WNT2B: variants seen among roughly 807,000 people sequenced by gnomAD.
WNT2B encodes the protein protein Wnt-2b.
WNT2B carries 19 observed loss-of-function variants against 40.5 expected under a neutral mutation model. The ratio of observed to expected loss-of-function variants is 0.47; its 90% CI spans 0.33 to 0.69. The LOEUF (loss-of-function observed/expected upper bound fraction) is 0.69. Among genes scored for constraint, WNT2B ranks in the 30% least tolerant of loss-of-function variants. The probability of loss-of-function intolerance (pLI) is 0.02; values close to 1 mark genes in which losing one functional copy is unlikely to be tolerated. For missense variants in WNT2B, 467 were observed against 556.4 expected (o/e 0.84, Z 1.62); for synonymous variants, 220 against 211.9 (o/e 1.04, Z -0.33).
upstream of WNT2B, among the ~76,000 whole-genome samples, chr1:112,508,580 G>C (rs1215035943): frequency 1.3e-5 from 2 of 152,164 alleles, no homozygotes; most frequent in East Asian, 3.9e-4. This position sits in a 1 kb window ranked among gnomAD's most constrained non-coding sequence, Gnocchi z 4.2. Context: ...TGCATCCTCC[G>C]TGCTCAGCGC....
intron 1 of WNT2B, among the ~76,000 whole-genome samples, chr1:112,469,391 G>T (rs1325767849): frequency 1.3e-5 from 2 of 151,956 alleles, no homozygotes; most frequent in Non-Finnish European, 2.9e-5. Flanking sequence ...ATTTTGATGG[G>T]GATTGCGTTG....
chr1:112,480,566 T>C (rs1651195354), intron 1 of WNT2B, among the ~76,000 whole-genome samples: 1 of 151,344 alleles, frequency 6.6e-6, no homozygotes, highest in African/African-American at 2.4e-5. Context: ...CAATAAAAAA[T>C]AAGGCAACTG....
At chr1:112,479,238 T>TA (rs919295945) in intron 1 of WNT2B, among the ~76,000 whole-genome samples, 1 of 150,274 alleles carries the variant, frequency 6.7e-6, no homozygotes, top group Non-Finnish European at 1.5e-5. Context: ...AATAAATAAA[T>TA]AAAAATAAAA....
intron 1 of WNT2B, among the ~76,000 whole-genome samples, chr1:112,495,292 A>G (rs1289716292): frequency 6.6e-6 from 1 of 151,642 alleles, no homozygotes; most frequent in Non-Finnish European, 1.5e-5. Context: ...AAATCCAGCT[A>G]TAGGCCAGGC....
intron 3 of WNT2B, 72 bp downstream of exon 3, chr1:112,516,489 A>G: frequency 6.5e-7 from 1 of 1,532,208 alleles, no homozygotes; most frequent in Non-Finnish European, 8.8e-7. Context: ...CATGGACTAA[A>G]TAAATGTGAA....
chr1:112,490,306 G>A (rs1256185292), intron 1 of WNT2B, among the ~76,000 whole-genome samples: 1 of 152,178 alleles, frequency 6.6e-6, no homozygotes, highest in Non-Finnish European at 1.5e-5. Context: ...TCACAATCCA[G>A]GTAGAGAAAA....
At chr1:112,490,305 A>G (rs911785403) in intron 1 of WNT2B, among the ~76,000 whole-genome samples, 1 of 152,202 alleles carries the variant, frequency 6.6e-6, no homozygotes, top group Admixed American at 6.5e-5. Flanking sequence ...TTCACAATCC[A>G]GGTAGAGAAA....
chr1:112,511,155 T>C (rs1008114117), intron 1 of WNT2B, among the ~76,000 whole-genome samples: 1 of 151,410 alleles, frequency 6.6e-6, no homozygotes, highest in African/African-American at 2.4e-5. Flanking sequence ...GACTACTCCC[T>C]CTCCCTTTTC....
chr1:112,490,690 C>A (rs891664041), intron 1 of WNT2B, among the ~76,000 whole-genome samples: 2 of 152,036 alleles, frequency 1.3e-5, no homozygotes, highest in African/African-American at 4.8e-5. Context: ...AGGCTTTCAC[C>A]GTGTTAGCCA....
At chr1:112,471,815 G>A (rs1013504627) in intron 1 of WNT2B, among the ~76,000 whole-genome samples, 1 of 152,156 alleles carries the variant, frequency 6.6e-6, no homozygotes, top group African/African-American at 2.4e-5. Flanking sequence ...AATTCATCTA[G>A]TTCTCAGCTG....
rs776919554 is a variant in WNT2B at position 112,509,357 on chromosome 1, G to C, written c.95G>C (p.Gly32Ala). Residue 32 changes from glycine to alanine, a missense_variant, in exon 1 of 5, where the codon GGC (glycine) becomes GCC (alanine). By Grantham distance (60) the Gly-to-Ala change is moderately conservative. Coordinates refer to ENST00000369684, the MANE Select transcript of WNT2B (RefSeq NM_024494.3). The surrounding 1 kb of genome is among the most constrained non-coding windows in gnomAD (Gnocchi z 4.2). ...VPVPSPAAPD[G>A]SRASARLGLA... The stretch of plus-strand genomic sequence containing the variant: ...GTGCCGTCGCCCGCGGCCCCCGACG[G>C]CTCCCGGGCTTCGGCCCGCCTAGGT... The C allele has an allele frequency of 1.3e-6, 2 of 1,594,478 alleles. No homozygotes were observed. The highest frequency in any genetic ancestry group is 2.2e-5 in the South Asian group (2 of 90,126).
Position 112,529,899 on chromosome 1 carries a change from T to C in WNT2B, c.*9390T>C, listed in dbSNP as rs192894584. ...AATGTTAGCAGACACAGTTGCTAGT[T>C]TGAACAGGAATGCAGATGAATGGAT... is the stretch of plus-strand genomic sequence containing the variant. On this transcript the variant is annotated 3_prime_UTR_variant, in exon 5 of 5. Coordinates refer to ENST00000369684, the MANE Select transcript of WNT2B (RefSeq NM_024494.3). The C allele has an allele frequency of 1.4e-4, 21 of 152,184 alleles. No homozygotes were observed. The highest frequency in any genetic ancestry group is 1.4e-3 in the Admixed American group (21 of 15,284). 9.4% of individuals were successfully genotyped at this position (152,184 alleles called of 1,614,324 possible). A position where few individuals can be genotyped will look rare whatever the true frequency, so the allele number is the denominator to read the frequency against.
upstream of WNT2B, among the ~76,000 whole-genome samples, chr1:112,508,200 AG>A (rs1652183983): frequency 6.6e-6 from 1 of 151,702 alleles, no homozygotes; most frequent in African/African-American, 2.4e-5. The surrounding 1 kb of genome is among the most constrained non-coding windows in gnomAD (Gnocchi z 4.2). Flanking sequence ...CCCGCCCGAG[AG>A]GGTGGAGGAC....
chr1:112,495,436 A>T (rs923011022), intron 1 of WNT2B, among the ~76,000 whole-genome samples: 4 of 152,092 alleles, frequency 2.6e-5, no homozygotes, highest in African/African-American at 9.7e-5. Context: ...AAAACAAAAA[A>T]AAATTAGCTG....
chr1:112,472,497 A>G (rs957833593), intron 1 of WNT2B, among the ~76,000 whole-genome samples: 4 of 151,722 alleles, frequency 2.6e-5, no homozygotes, highest in Non-Finnish European at 4.4e-5. Flanking sequence ...TTTTGTCTCT[A>G]TAGTGGGCCA....
rs535679683 is a variant in WNT2B at position 112,494,796 on chromosome 1, C to T, written c.-94-20078C>T. Among the ~76,000 whole-genome samples, 72 of 151,346 alleles carry T rather than the reference C, an allele frequency of 4.8e-4. 4 individuals carry two copies. The highest frequency in any genetic ancestry group is 1.6e-3 in the African/African-American group (66 of 40,736). ...GAGAAGCAAAATAATAGGTCAGAAA[C>T]GTGGATCTACTTAAAGGAAGAAAGA... is the stretch of plus-strand genomic sequence containing the variant. On this transcript the variant is annotated intron_variant, in intron 1 of 4. Transcript: ENST00000256640.
chr1:112,518,086 G>C (rs954502836), intron 4 of WNT2B: 3 of 152,240 alleles, frequency 2.0e-5, no homozygotes, highest in African/African-American at 7.2e-5. Flanking sequence ...AGCTGAAAAA[G>C]AAACGAAGAA....
upstream of WNT2B, among the ~76,000 whole-genome samples, chr1:112,508,231 G>C (rs972337354): frequency 1.3e-5 from 2 of 151,874 alleles, no homozygotes; most frequent in East Asian, 3.9e-4. This position sits in a 1 kb window ranked among gnomAD's most constrained non-coding sequence, Gnocchi z 4.2. Flanking sequence ...GAGGGGGAGC[G>C]GGGAGAGACT....
intron 1 of WNT2B, among the ~76,000 whole-genome samples, chr1:112,501,061 G>T (rs189842043): frequency 6.6e-6 from 1 of 152,042 alleles, no homozygotes; most frequent in Non-Finnish European, 1.5e-5. Flanking sequence ...CTCCTTAGGC[G>T]CCTCTTGGCT....
Sources: gnomAD v4.1 joint callset for allele counts (sites outside exome capture counted in the v4.1 genomes callset) on GRCh38, gnomAD v4.1.1 for gene constraint, Gnocchi (gnomAD v3.1) non-coding constraint, MANE v1.5 for transcripts, NCBI Gene and HGNC (gene_info 2026-07-23, HGNC 2026-07-21) for gene names.